Variants in LIPH observed in about 807,000 individuals in gnomAD.
LIPH encodes lipase H.
LIPH carries 32 observed loss-of-function variants against 47.6 expected under a neutral mutation model. That is an observed-to-expected ratio of 0.67 (90% CI 0.51 to 0.90). The LOEUF (loss-of-function observed/expected upper bound fraction) is 0.90. Among genes scored for constraint, LIPH ranks in the 40% least tolerant of loss-of-function variants. The pLI, the probability that LIPH is intolerant of heterozygous loss-of-function variation, is 0.00. For missense variants in LIPH, 497 were observed against 541.4 expected (o/e 0.92, Z 0.81); for synonymous variants, 190 against 195.6 (o/e 0.97, Z 0.24).
At chr3:185,528,490 T>G (rs879559188) in intron 3 of LIPH, among the ~76,000 whole-genome samples, 2 of 152,138 alleles carry the variant, frequency 1.3e-5, no homozygotes, top group Non-Finnish European at 2.9e-5. Context: ...GTTGCAAACC[T>G]GTAAGGGAGG....
intron 3 of LIPH, among the ~76,000 whole-genome samples, chr3:185,530,767 G>A (rs1042139988): frequency 6.6e-6 from 1 of 152,102 alleles, no homozygotes; most frequent in Non-Finnish European, 1.5e-5. Flanking sequence ...AATTTTCAGA[G>A]TGATAAGGAT....
At chr3:185,530,440 T>C (rs1042415482) in intron 3 of LIPH, among the ~76,000 whole-genome samples, 1 of 152,086 alleles carries the variant, frequency 6.6e-6, no homozygotes, top group Non-Finnish European at 1.5e-5. Context: ...ATCGTGCCAC[T>C]GTACTCCAGC....
intron 4 of LIPH, among the ~76,000 whole-genome samples, chr3:185,526,592 AAAT>A (rs1720086529): frequency 2.8e-5 from 4 of 142,114 alleles, no homozygotes; most frequent in Non-Finnish European, 4.6e-5. Flanking sequence ...AGATAAAATA[AAAT>A]AAAATAAAAT....
chr3:185,531,536 G>A (rs1282914770), intron 3 of LIPH, among the ~76,000 whole-genome samples: 8 of 144,914 alleles, frequency 5.5e-5, no homozygotes, highest in Non-Finnish European at 1.0e-4. Flanking sequence ...CAGCCTGGGC[G>A]ACAGAGTAAG....
intron 3 of LIPH, among the ~76,000 whole-genome samples, chr3:185,528,348 A>AAGAAAGAAAGAAAGAAAG (rs1473858539): frequency 1.3e-5 from 2 of 151,874 alleles, no homozygotes; most frequent in Non-Finnish European, 2.9e-5. Context: ...GAAAGAAAGA[A>AAGAAAGAAAGAAAGAAAG]AGAAAGAAAG....
At position 185,507,233 on chromosome 3, in the gene LIPH, G is replaced by T. The variant is rs1318929692; in HGVS notation, c.*1557C>A. The T allele has an allele frequency of 6.6e-6, 1 of 152,034 alleles. No homozygotes were observed. The highest frequency in any genetic ancestry group is 2.4e-5 in the African/African-American group (1 of 41,394). 9.4% of individuals were successfully genotyped at this position (152,034 alleles called of 1,614,324 possible). On this transcript the variant is annotated 3_prime_UTR_variant, in exon 10 of 10. Coordinates refer to ENST00000296252, the MANE Select transcript of LIPH (RefSeq NM_139248.3). ...ATAAAAATACAAAAATTAGCCGGGT[G>T]TGGTGGCACATGCCTGTAATCCCAG...
chr3:185,549,043 ATT>A (rs1720972772), intron 1 of LIPH, among the ~76,000 whole-genome samples: 1 of 151,520 alleles, frequency 6.6e-6, no homozygotes, highest in Non-Finnish European at 1.5e-5. Flanking sequence ...GAGGCAGAGA[ATT>A]GCTTGAACCC....
chr3:185,529,826 G>A (rs1367472252), intron 3 of LIPH, among the ~76,000 whole-genome samples: 2 of 151,222 alleles, frequency 1.3e-5, no homozygotes, highest in East Asian at 2.0e-4. Context: ...GAAGTTCCAG[G>A]TTGCAGTGAG....
chr3:185,528,263 AAAGCAAGC>A (rs1720177811), intron 3 of LIPH, among the ~76,000 whole-genome samples: 2 of 148,724 alleles, frequency 1.3e-5, no homozygotes, highest in Non-Finnish European at 3.0e-5. Context: ...AAAAAGAAAG[AAAGCAAGC>A]AGATGCTATA....
At chr3:185,527,696 G>T (rs780229263) in intron 3 of LIPH, 111 bp from the exon 4 acceptor site, 229 of 730,142 alleles carry the variant, frequency 3.1e-4, no homozygotes, top group Non-Finnish European at 5.2e-4. Flanking sequence ...ACCCTCAGGT[G>T]GGTGAGCGCT....
chr3:185,538,457 A>G (rs1445970614), intron 1 of LIPH, among the ~76,000 whole-genome samples: 1 of 152,182 alleles, frequency 6.6e-6, no homozygotes, highest in Non-Finnish European at 1.5e-5. Context: ...GGGGATCAGG[A>G]ATCTTCTTTC....
chr3:185,517,711 C>T (rs1283223618), intron 6 of LIPH, among the ~76,000 whole-genome samples: 1 of 152,068 alleles, frequency 6.6e-6, no homozygotes, highest in Non-Finnish European at 1.5e-5. Context: ...TCACATTCTG[C>T]CTTAATTGAT....
chr3:185,535,871 G>A lies in LIPH; in HGVS notation c.50-739C>T, dbSNP rs144876596. On this transcript the variant is annotated intron_variant, in intron 1 of 9. Coordinates refer to ENST00000296252, the MANE Select transcript of LIPH (RefSeq NM_139248.3). ...GCCCACCTCGGCCTCCCAAGGTGCT[G>A]GGATTACAGGCATGAGCCACCGTGC... Among the ~76,000 whole-genome samples, 462 of 152,204 alleles carry A rather than the reference G, an allele frequency of 3.0e-3. 4 individuals are homozygous for A. Among genetic ancestry groups the A allele is most frequent in the East Asian group, 0.014 (71 of 5,176 alleles).
chr3:185,508,501 AGAATTGACAGGT>A lies in LIPH; in HGVS notation c.*277_*288del, dbSNP rs1231402618. On this transcript the variant is annotated 3_prime_UTR_variant, in exon 10 of 10. Transcript: ENST00000296252. ...CAGAACCACCCGCGTGACAGGCAGC[AGAATTGACAGGT>A]CGGAACAAGGGAGGCCCCAGGACAC... 2.4e-6 allele frequency: 1 copy of A among 414,592 alleles called. No individual in the cohort carries two copies. The highest frequency in any genetic ancestry group is 4.7e-5 in the East Asian group (1 of 21,272). The allele number at this position is 414,592 out of a possible 1,614,324, so 25.7% of individuals were successfully genotyped here. A position where few individuals can be genotyped will look rare whatever the true frequency, so the allele number is the denominator to read the frequency against.
At chr3:185,529,918 GA>G (rs775832628) in intron 3 of LIPH, among the ~76,000 whole-genome samples, 1 of 38,578 alleles carries the variant, frequency 2.6e-5, no homozygotes, top group African/African-American at 7.0e-5. Flanking sequence ...AAGAAAGAAA[GA>G]AAGAAAGAAA....
intron 8 of LIPH, among the ~76,000 whole-genome samples, chr3:185,512,617 T>C (rs1209266227): frequency 6.6e-6 from 1 of 151,164 alleles, no homozygotes; most frequent in African/African-American, 2.4e-5. Flanking sequence ...GCCTCGCGAG[T>C]AGCTGGGATT....
In LIPH at chr3:185,535,013, T is replaced by C. The variant is rs368989054; in HGVS notation, c.169A>G (p.Ile57Val). The stretch of plus-strand genomic sequence containing the variant: ...AAGTTCCCAAAAGCTGAGGAGTTGA[T>C]GGTTTGTGCGCAGGTCAGGTTTTTC... Reference protein sequence around the residue: ...TRKNLTCAQTINSSAFGNLNV... With the variant: ...TRKNLTCAQTVNSSAFGNLNV... The change falls in exon 2 of 10, where the codon ATC becomes GTC. Residue 57 changes from isoleucine (I) to valine (V), a missense_variant. Physicochemically the swap from Ile to Val is conservative, Grantham distance 29 (BLOSUM62 3). Coordinates refer to ENST00000296252, the MANE Select transcript of LIPH (RefSeq NM_139248.3). The C allele has an allele frequency of 3.3e-5, 54 of 1,613,762 alleles. No homozygotes were observed. In the African/African-American group the frequency reaches 4.7e-4, roughly 14 times the overall value.
Position 185,527,187 on chromosome 3 carries a change from C to A in LIPH, c.628+297G>T, listed in dbSNP as rs1720133853. 2.0e-5 allele frequency among the ~76,000 whole-genome samples: 3 copies of A among 151,872 alleles called. No homozygotes were observed. In the South Asian group the frequency reaches 6.3e-4, roughly 32 times the overall value. On this transcript the variant is annotated intron_variant, in intron 4 of 9. Coordinates refer to ENST00000296252, the MANE Select transcript of LIPH (RefSeq NM_139248.3). ...CTGGGAGGCAGAGCTTGCAGTGAGT[C>A]GAGATTGCGCCACTGCACTCCAGCC...
At chr3:185,514,387 C>A (rs1189584379) in intron 8 of LIPH, 23 bp downstream of exon 8, 1 of 1,043,494 alleles carries the variant, frequency 9.6e-7, no homozygotes, top group Admixed American at 1.7e-5. Context: ...TAGCGCACTG[C>A]AAACAATTGT....
Sources: allele counts gnomAD v4.1 joint callset (sites outside exome capture counted in the v4.1 genomes callset), GRCh38; gene constraint gnomAD v4.1.1; transcripts MANE v1.5; gene names NCBI Gene and HGNC (gene_info 2026-07-23, HGNC 2026-07-21).